PEX14: variants seen among roughly 807,000 people sequenced by gnomAD.
The protein encoded by PEX14 is peroxisomal biogenesis factor 14.
In PEX14, 15 loss-of-function variants were observed where a neutral mutation model predicts 49.5. The ratio of observed to expected loss-of-function variants is 0.30; its 90% CI spans 0.20 to 0.47. The LOEUF (loss-of-function observed/expected upper bound fraction) is 0.47, where lower values mean the gene tolerates loss of function less well. PEX14 is among the 20% of genes least tolerant of loss of function. The probability of loss-of-function intolerance (pLI) is 1.00; values close to 1 mark genes in which losing one functional copy is unlikely to be tolerated. For missense variants in PEX14, 398 were observed against 494.8 expected (o/e 0.80, Z 1.86); for synonymous variants, 210 against 212.7 (o/e 0.99, Z 0.11).
At chr1:10,531,136 CT>C (rs1638637907) in intron 2 of PEX14, among the ~76,000 whole-genome samples, 1 of 152,144 alleles carries the variant, frequency 6.6e-6, no homozygotes, top group Non-Finnish European at 1.5e-5. Flanking sequence ...TCCTAGGACC[CT>C]GGATCCGAGA....
At chr1:10,479,230 A>G (rs1159104664) in intron 1 of PEX14, among the ~76,000 whole-genome samples, 1 of 152,046 alleles carries the variant, frequency 6.6e-6, no homozygotes, top group African/African-American at 2.4e-5. Flanking sequence ...TTAAAAAATT[A>G]GCCAGGCATG....
At chr1:10,488,829 T>A (rs1641418694) in intron 1 of PEX14, among the ~76,000 whole-genome samples, 1 of 152,006 alleles carries the variant, frequency 6.6e-6, no homozygotes, top group Non-Finnish European at 1.5e-5. Context: ...ACCTTACATT[T>A]CTCTTCTTAC....
intron 2 of PEX14, among the ~76,000 whole-genome samples, chr1:10,534,908 A>C (rs979413942): frequency 2.0e-5 from 3 of 152,166 alleles, no homozygotes; most frequent in Non-Finnish European, 4.4e-5. Context: ...TTTGTTCCCC[A>C]AAAGTCTGTC....
intron 2 of PEX14, among the ~76,000 whole-genome samples, chr1:10,526,083 G>A (rs1054927501): frequency 6.6e-6 from 1 of 151,010 alleles, no homozygotes; most frequent in Admixed American, 6.6e-5. Flanking sequence ...TGCCACACCC[G>A]GCTAATTTTT....
chr1:10,607,007 C>T (rs1284110480), intron 4 of PEX14, among the ~76,000 whole-genome samples: 2 of 152,176 alleles, frequency 1.3e-5, no homozygotes, highest in African/African-American at 4.8e-5. Flanking sequence ...TCCCTTGGGT[C>T]CCATTTCCAG....
intron 3 of PEX14, among the ~76,000 whole-genome samples, chr1:10,591,635 CTGTGTGTGTG>C (rs61635531): frequency 1.0e-3 from 146 of 139,740 alleles, no homozygotes; most frequent in Middle Eastern, 3.6e-3. Context: ...GGTATACACA[CTGTGTGTGTG>C]TGTGTGTGTG....
chr1:10,623,191 C>G lies in PEX14; in HGVS notation c.487+70C>G. On this transcript the variant is annotated intron_variant, in intron 6 of 8. Coordinates refer to ENST00000356607, the MANE Select transcript of PEX14 (RefSeq NM_004565.3). The surrounding 1 kb of genome is among the most constrained non-coding windows in gnomAD (Gnocchi z 4.4). ...CAAGCAGCCCCTTCTCTGCCCCTCC[C>G]CTCTCCCTCTGTCTCCACTCTATGT... 1 of 938,850 alleles carries G rather than the reference C, an allele frequency of 1.1e-6. No individual in the cohort carries two copies. Among genetic ancestry groups the G allele is most frequent in the Non-Finnish European group, 1.7e-6 (1 of 581,714 alleles). The allele number at this position is 938,850 out of a possible 1,614,324, so 58.2% of individuals were successfully genotyped here.
intron 2 of PEX14, among the ~76,000 whole-genome samples, chr1:10,499,668 G>A (rs570028248): frequency 3.3e-5 from 5 of 151,906 alleles, no homozygotes; most frequent in African/African-American, 1.2e-4. Context: ...AGGATGGTCT[G>A]GATCTCCTGA....
intron 3 of PEX14, among the ~76,000 whole-genome samples, chr1:10,575,473 A>G (rs893761338): frequency 6.6e-6 from 1 of 152,204 alleles, no homozygotes; most frequent in Non-Finnish European, 1.5e-5. Context: ...ATTTATAAAA[A>G]GTTGTTAATT....
intron 2 of PEX14, among the ~76,000 whole-genome samples, chr1:10,507,278 C>T (rs1323136027): frequency 6.6e-6 from 1 of 152,228 alleles, no homozygotes; most frequent in Admixed American, 6.5e-5. Context: ...GGTATGGGTG[C>T]GGTGTGGACC....
intron 3 of PEX14, among the ~76,000 whole-genome samples, chr1:10,579,275 A>G (rs1640241986): frequency 6.6e-6 from 1 of 152,194 alleles, no homozygotes; most frequent in Non-Finnish European, 1.5e-5. Flanking sequence ...CACTTTATCT[A>G]GAATTCTCTG....
At chr1:10,615,920 T>A (rs955363560) in intron 4 of PEX14, among the ~76,000 whole-genome samples, 1 of 152,234 alleles carries the variant, frequency 6.6e-6, no homozygotes, top group African/African-American at 2.4e-5. Context: ...AAGCCTTTTT[T>A]CACAGACTGC....
At chr1:10,523,135 T>C (rs1468668003) in intron 2 of PEX14, among the ~76,000 whole-genome samples, 2 of 152,246 alleles carry the variant, frequency 1.3e-5, no homozygotes, top group Non-Finnish European at 2.9e-5. Context: ...TGGGCTTTTT[T>C]TTGCTGTCAC....
At chr1:10,581,422 C>T (rs1383291183) in intron 3 of PEX14, among the ~76,000 whole-genome samples, 1 of 150,254 alleles carries the variant, frequency 6.7e-6, no homozygotes, top group African/African-American at 2.5e-5. Context: ...TTCTCTGTCT[C>T]AGCCTCCCGA....
chr1:10,564,350 A>C (rs931373864), intron 3 of PEX14, among the ~76,000 whole-genome samples: 1 of 150,886 alleles, frequency 6.6e-6, no homozygotes, highest in Non-Finnish European at 1.5e-5. Context: ...TTCTTCTGCT[A>C]TATCCAGTTT....
At chr1:10,487,647 G>A (rs1641395221) in intron 1 of PEX14, among the ~76,000 whole-genome samples, 1 of 151,722 alleles carries the variant, frequency 6.6e-6, no homozygotes, top group Non-Finnish European at 1.5e-5. Context: ...ACCACACCAA[G>A]CTAATTTTTG....
intron 4 of PEX14, among the ~76,000 whole-genome samples, chr1:10,602,179 T>C (rs911035976): frequency 7.9e-5 from 12 of 152,316 alleles, no homozygotes; most frequent in African/African-American, 2.2e-4. Flanking sequence ...TTGAGGTATT[T>C]AGGTAGGAAT....
At chr1:10,493,602 A>G (rs971767528) in intron 1 of PEX14, among the ~76,000 whole-genome samples, 4 of 151,822 alleles carry the variant, frequency 2.6e-5, no homozygotes, top group Non-Finnish European at 4.4e-5. Context: ...CCATTTTTAT[A>G]TTTTTTGTAG....
At chr1:10,549,209 G>A (rs940115513) in intron 3 of PEX14, among the ~76,000 whole-genome samples, 10 of 152,154 alleles carry the variant, frequency 6.6e-5, no homozygotes, top group African/African-American at 2.4e-4. Context: ...AACTGAAAGT[G>A]CATAGGAATG....
Sources: allele counts gnomAD v4.1 joint callset (sites outside exome capture counted in the v4.1 genomes callset), GRCh38; gene constraint gnomAD v4.1.1; non-coding constraint Gnocchi (gnomAD v3.1); transcripts MANE v1.5; gene names NCBI Gene and HGNC (gene_info 2026-07-23, HGNC 2026-07-21).